Variants in PBX1 observed in about 807,000 individuals in gnomAD.
PBX1 encodes pre-B-cell leukemia transcription factor 1.
PBX1 carries 6 observed loss-of-function variants against 53.4 expected under a neutral mutation model. The observed-to-expected ratio is 0.11, with a 90% confidence interval of 0.06 to 0.22. The LOEUF (loss-of-function observed/expected upper bound fraction) is 0.22, where lower values mean the gene tolerates loss of function less well. PBX1 is among the 10% of genes least tolerant of loss of function. The pLI is 1.00. For synonymous variants in PBX1, 204 were observed against 212.3 expected, an observed-to-expected ratio of 0.96 and a Z score of 0.34; for missense variants, 251 against 551.4, an observed-to-expected ratio of 0.46 and a Z score of 5.46.
chr1:164,799,485 C>A (rs539446543), intron 3 of PBX1, among the ~76,000 whole-genome samples: 1 of 152,000 alleles, frequency 6.6e-6, no homozygotes, highest in Non-Finnish European at 1.5e-5. Flanking sequence ...AGCGAGACTC[C>A]GTCTCAAAAA....
rs6661895 is a variant in PBX1, at chr1:164,648,024, C to A, written c.265+84713C>A. ...TAGAGACGGGGTTTCACCGTATTAG[C>A]CAGGAAGGTCTCGATCTCCTGACCT... is the stretch of plus-strand genomic sequence containing the variant. On this transcript the variant is annotated intron_variant, in intron 2 of 8. Coordinates refer to ENST00000420696, the MANE Select transcript of PBX1 (RefSeq NM_002585.4). Among the ~76,000 whole-genome samples the A allele has an allele frequency of 5.5e-3, 839 of 152,122 alleles. 6 individuals are homozygous for A. Among genetic ancestry groups the A allele is most frequent in the African/African-American group, 0.019 (804 of 41,482 alleles).
intron 2 of PBX1, among the ~76,000 whole-genome samples, chr1:164,613,628 C>T (rs374839018): frequency 4.1e-4 from 62 of 152,294 alleles, no homozygotes; most frequent in Middle Eastern, 3.4e-3. Flanking sequence ...AGCTCTCCCA[C>T]GCTGAACACC....
intron 2 of PBX1, among the ~76,000 whole-genome samples, chr1:164,788,752 T>TG (rs1668328269): frequency 1.5e-5 from 1 of 68,956 alleles, no homozygotes. Context: ...CCCGCCGCCC[T>TG]CCCCCCCCCG....
intron 2 of PBX1, among the ~76,000 whole-genome samples, chr1:164,716,482 G>A (rs1417977639): frequency 6.6e-6 from 1 of 152,136 alleles, no homozygotes; most frequent in African/African-American, 2.4e-5. Context: ...ATGGCAGATG[G>A]CAGTGCGGCC....
chr1:164,674,853 C>CA (rs1661334049), intron 2 of PBX1: 2 of 30,718 alleles, frequency 6.5e-5, no homozygotes, highest in Non-Finnish European at 7.4e-5. Context: ...CACAGCCCCC[C>CA]CCCCCCCCCA....
At chr1:164,587,403 G>A (rs1001097267) in intron 2 of PBX1, among the ~76,000 whole-genome samples, 1 of 152,092 alleles carries the variant, frequency 6.6e-6, no homozygotes. Flanking sequence ...GGTTAGATAT[G>A]AATGATTAAT....
chr1:164,854,060 C>T (rs1359792588), downstream of PBX1, among the ~76,000 whole-genome samples: 2 of 151,836 alleles, frequency 1.3e-5, no homozygotes, highest in African/African-American at 2.4e-5. Context: ...CATGCACCAC[C>T]ATGCCCAAAT....
intron 8 of PBX1, among the ~76,000 whole-genome samples, chr1:164,824,664 G>A (rs1452841134): frequency 6.6e-6 from 1 of 152,018 alleles, no homozygotes; most frequent in Non-Finnish European, 1.5e-5. Flanking sequence ...AAGGCCTAAA[G>A]ACCCCCTTCC....
intron 2 of PBX1, among the ~76,000 whole-genome samples, chr1:164,861,238 C>T (rs1300743209): frequency 6.6e-6 from 1 of 151,980 alleles, no homozygotes; most frequent in Non-Finnish European, 1.5e-5. Context: ...TGATAGAGAA[C>T]GAGGCCTCAA....
intron 2 of PBX1, among the ~76,000 whole-genome samples, chr1:164,691,449 C>A (rs1419768206): frequency 6.6e-6 from 1 of 152,182 alleles, no homozygotes; most frequent in African/African-American, 2.4e-5. Context: ...AATTTTCTCT[C>A]TGTGATAATT....
intron 2 of PBX1, chr1:164,684,272 A>G (rs556175667): frequency 1.3e-5 from 2 of 152,326 alleles, no homozygotes; most frequent in African/African-American, 2.4e-5. Flanking sequence ...GATCTTACCT[A>G]TCTCTGGCAG....
At chr1:164,821,330 C>CT (rs3835581) in intron 7 of PBX1, among the ~76,000 whole-genome samples, 76,447 of 151,808 alleles carry the variant, frequency 0.5, 19,621 homozygotes, top group African/African-American at 0.57. Flanking sequence ...TACCATTTTA[C>CT]GTCTTGCTTA....
rs1191743321 is a variant in PBX1, at chr1:164,882,973, T to G, written n.258-16215T>G. On this transcript the variant is annotated intron_variant and non_coding_transcript_variant, in intron 2 of 2. Transcript: ENST00000558796. Reference sequence around the variant, plus strand: ...TTCCTCAAGCTCTAGCATTCTAAACTAAATGAGGAATTATAAAAGCTACCG... The same window carrying G: ...TTCCTCAAGCTCTAGCATTCTAAACGAAATGAGGAATTATAAAAGCTACCG... Among the ~76,000 whole-genome samples the G allele has an allele frequency of 3.3e-5, 5 of 152,166 alleles. 1 individual carries two copies. Among genetic ancestry groups the G allele is most frequent in the Non-Finnish European group, 5.9e-5 (4 of 68,020 alleles).
At chr1:164,801,201 T>C (rs951151085) in intron 4 of PBX1, among the ~76,000 whole-genome samples, 4 of 152,156 alleles carry the variant, frequency 2.6e-5, no homozygotes, top group Admixed American at 6.5e-5. Flanking sequence ...CAGCTGGGTA[T>C]AGTAATGGAG....
intron 2 of PBX1, among the ~76,000 whole-genome samples, chr1:164,858,728 G>T (rs965776275): frequency 4.6e-5 from 7 of 152,158 alleles, no homozygotes; most frequent in African/African-American, 1.7e-4. Context: ...GGATATTCAG[G>T]CCTGCTAGAC....
intron 2 of PBX1, among the ~76,000 whole-genome samples, chr1:164,885,688 A>C (rs1166439373): frequency 3.3e-5 from 5 of 151,452 alleles, no homozygotes; most frequent in African/African-American, 9.8e-5. Context: ...TACCTACCTC[A>C]GGGTCTTTGC....
intron 2 of PBX1, among the ~76,000 whole-genome samples, chr1:164,618,536 C>T (rs2101845648): frequency 6.6e-6 from 1 of 152,180 alleles, no homozygotes; most frequent in South Asian, 2.1e-4. Context: ...TTCCTTTTCT[C>T]AAAAAAATTA....
In PBX1 at chr1:164,743,146, C is replaced by A. The variant is rs115857720; in HGVS notation, c.266-49348C>A. On this transcript the variant is annotated intron_variant, in intron 2 of 8. Transcript: ENST00000420696. ...GTAGTGGTATTTTAGCTATTGTATT[C>A]CTTCCGTACAAACACCCAGTCGATG... Among the ~76,000 whole-genome samples the A allele has an allele frequency of 8.0e-3, 1,212 of 152,236 alleles. 11 individuals are homozygous for A. The highest frequency in any genetic ancestry group is 0.028 in the African/African-American group (1,163 of 41,544).
chr1:164,884,496 G>C (rs917967291), intron 2 of PBX1: 12 of 484,162 alleles, frequency 2.5e-5, no homozygotes, highest in African/African-American at 1.4e-4. Context: ...TGTGGATAGG[G>C]GGTGTTAAAG....
Sources: gnomAD v4.1 joint callset for allele counts (sites outside exome capture counted in the v4.1 genomes callset) on GRCh38, gnomAD v4.1.1 for gene constraint, MANE v1.5 for transcripts, NCBI Gene and HGNC (gene_info 2026-07-23, HGNC 2026-07-21) for gene names.